Variants in SMARCB1 observed in about 807,000 individuals in gnomAD.
The protein encoded by SMARCB1 is SWI/SNF-related matrix-associated actin-dependent regulator of chromatin subfamily B member 1.
A neutral mutation model predicts 49.0 loss-of-function variants in SMARCB1; 5 were observed. That is an observed-to-expected ratio of 0.10 (90% CI 0.05 to 0.21). The LOEUF (loss-of-function observed/expected upper bound fraction) is 0.21, where lower values mean the gene tolerates loss of function less well. Among genes scored for constraint, SMARCB1 ranks in the 10% least tolerant of loss-of-function variants. The probability of loss-of-function intolerance (pLI) is 1.00; values close to 1 mark genes in which losing one functional copy is unlikely to be tolerated. For synonymous variants in SMARCB1, 201 were observed against 200.1 expected, an observed-to-expected ratio of 1.00 and a Z score of -0.04; for missense variants, 226 against 509.2, an observed-to-expected ratio of 0.44 and a Z score of 5.35.
chr22:23,792,538 C>T, intron 2 of SMARCB1: 1 of 175,562 alleles, frequency 5.7e-6, no homozygotes, highest in South Asian at 1.3e-4. Context: ...CACAGCATGT[C>T]CTTGGGCAGG....
At chr22:23,802,872 AT>A (rs1929255058) in intron 4 of SMARCB1, 8 of 336,464 alleles carry the variant, frequency 2.4e-5, no homozygotes, top group South Asian at 1.5e-4. Flanking sequence ...TCCTCACGGA[AT>A]CTGTGCTCTG....
At chr22:23,833,288 C>T (rs1405290289) in intron 7 of SMARCB1, among the ~76,000 whole-genome samples, 1 of 152,228 alleles carries the variant, frequency 6.6e-6, no homozygotes, top group African/African-American at 2.4e-5. Flanking sequence ...CCTCCACAGC[C>T]AGTGGCCCCT....
chr22:23,825,582 T>G, intron 7 of SMARCB1, 167 bp downstream of exon 7: 6 of 628,126 alleles, frequency 9.6e-6, no homozygotes, highest in Non-Finnish European at 1.1e-5. Flanking sequence ...TATGTATCTC[T>G]CCAGGGCTCC....
intron 2 of SMARCB1, chr22:23,792,132 C>T: frequency 1.9e-6 from 1 of 536,748 alleles, no homozygotes; most frequent in Non-Finnish European, 3.4e-6. Context: ...GGGCCGGGGC[C>T]AGGACACTAG....
intron 2 of SMARCB1, chr22:23,792,137 C>T: frequency 1.9e-6 from 1 of 525,562 alleles, no homozygotes. Flanking sequence ...GGGGCCAGGA[C>T]ACTAGCAGGT....
At chr22:23,793,449 G>T (rs1928531058) in intron 2 of SMARCB1, 110 bp from the exon 3 acceptor site, 2 of 1,152,988 alleles carry the variant, frequency 1.7e-6, no homozygotes, top group Non-Finnish European at 2.6e-6. Flanking sequence ...TTGACACCTT[G>T]CTTTTCCCAC....
chr22:23,786,986 GGCGGCCTGGTCGTCGTCT>G lies in SMARCB1; in HGVS notation c.-178_-161del, dbSNP rs1568932876. On this transcript the variant is annotated 5_prime_UTR_variant, in exon 1 of 9. Coordinates refer to ENST00000644036, the MANE Select transcript of SMARCB1 (RefSeq NM_003073.5). ...TCAACGCCAGCGCCTGCGCACTGAGGGCGGCCTGGTCGTCGTCTGCGGCGGCGGCGGCGGCTGAGGAGC... is the reference window on the plus strand; with the variant it reads ...TCAACGCCAGCGCCTGCGCACTGAGGGCGGCGGCGGCGGCGGCTGAGGAGC... 2.0e-6 allele frequency: 1 copy of G among 499,280 alleles called. No individual in the cohort carries two copies. The highest frequency in any genetic ancestry group is 2.1e-5 in the African/African-American group (1 of 48,610). The allele number at this position is 499,280 out of a possible 1,614,324, so 30.9% of individuals were successfully genotyped here.
In SMARCB1 at chr22:23,837,306, G is replaced by C. The variant is rs2031146955; in HGVS notation, c.*3126G>C. The stretch of plus-strand genomic sequence containing the variant: ...GCCTTGCACAGAGTGCCAGCCCCGG[G>C]TTGGCCGTGAAGGACAAGCTTAAAA... On this transcript the variant is annotated 3_prime_UTR_variant, in exon 9 of 9. Transcript: ENST00000644036. The C allele has an allele frequency of 9.5e-7, 1 of 1,052,352 alleles. No homozygotes were observed. Among genetic ancestry groups the C allele is most frequent in the African/African-American group, 1.6e-5 (1 of 61,482 alleles). The allele number at this position is 1,052,352 out of a possible 1,614,324, so 65.2% of individuals were successfully genotyped here. A position where few individuals can be genotyped will look rare whatever the true frequency, so the allele number is the denominator to read the frequency against.
Position 23,799,973 on chromosome 22 carries a change from C to T in SMARCB1, c.363-971C>T, listed in dbSNP as rs372462718. On this transcript the variant is annotated intron_variant, in intron 3 of 8. Coordinates refer to ENST00000644036, the MANE Select transcript of SMARCB1 (RefSeq NM_003073.5). Reference sequence around the variant, plus strand: ...TGCTGGGATTACAGGCGTGAGCCACCGCGCCCGGCTACACCTGGCTAATTT... The same window carrying T: ...TGCTGGGATTACAGGCGTGAGCCACTGCGCCCGGCTACACCTGGCTAATTT... 9.9e-4 allele frequency among the ~76,000 whole-genome samples: 150 copies of T among 151,914 alleles called. 2 individuals are homozygous for T. The highest frequency in any genetic ancestry group is 3.5e-3 in the African/African-American group (143 of 41,416).
At chr22:23,816,983 TGG>T (rs758551559) in intron 6 of SMARCB1, 47 bp downstream of exon 6, 14 of 1,536,238 alleles carry the variant, frequency 9.1e-6, no homozygotes, top group Non-Finnish European at 1.3e-5. Flanking sequence ...GCCCTCAGGG[TGG>T]GTGTCATCAT....
At chr22:23,803,797 C>T in intron 5 of SMARCB1, 1 of 357,478 alleles carries the variant, frequency 2.8e-6, no homozygotes, top group Non-Finnish European at 5.5e-6. Flanking sequence ...TGTGAGGCTG[C>T]ATGTGTGCCC....
At chr22:23,807,896 G>A (rs960891505) in intron 5 of SMARCB1, among the ~76,000 whole-genome samples, 17 of 147,588 alleles carry the variant, frequency 1.2e-4, no homozygotes, top group Non-Finnish European at 2.2e-4. Context: ...CTGGGTTCAC[G>A]CCATTCTCCT....
intron 1 of SMARCB1, among the ~76,000 whole-genome samples, chr22:23,790,602 G>A (rs1355078864): frequency 6.6e-6 from 1 of 151,970 alleles, no homozygotes; most frequent in Non-Finnish European, 1.5e-5. Context: ...CAGCACTTTG[G>A]GAGGCCGAGG....
At chr22:23,794,185 G>T (rs35636978) in intron 3 of SMARCB1, among the ~76,000 whole-genome samples, 1 of 152,192 alleles carries the variant, frequency 6.6e-6, no homozygotes, top group African/African-American at 2.4e-5. Context: ...CAGGTGATCC[G>T]CCCGCCTTGG....
intron 6 of SMARCB1, among the ~76,000 whole-genome samples, chr22:23,820,079 C>G (rs1016279983): frequency 1.3e-5 from 2 of 152,112 alleles, no homozygotes; most frequent in African/African-American, 4.8e-5. Flanking sequence ...ATCCACCTGC[C>G]TTGGCCTCCC....
rs2030994842 is a variant in SMARCB1 at position 23,835,750 on chromosome 22, A to G, written c.*1570A>G. The G allele has an allele frequency of 1.0e-6, 1 of 985,362 alleles. No individual in the cohort carries two copies. The allele number at this position is 985,362 out of a possible 1,614,324, so 61.0% of individuals were successfully genotyped here. A position where few individuals can be genotyped will look rare whatever the true frequency, so the allele number is the denominator to read the frequency against. ...ATGAGGTAGGAACCTCGGCAATGAA[A>G]GGGTGAGGCAGCCCTGTGTCTCCAC... On this transcript the variant is annotated 3_prime_UTR_variant, in exon 9 of 9. Transcript: ENST00000644036.
intron 1 of SMARCB1, 30 bp downstream of exon 1, chr22:23,787,292 G>C: frequency 7.1e-7 from 1 of 1,409,712 alleles, no homozygotes; most frequent in Non-Finnish European, 9.9e-7. Flanking sequence ...CGCCCTCCCC[G>C]GGCTCGGCCC....
Position 23,799,679 on chromosome 22 carries a change from A to ATTTTTTTTTTTTTTTTTT in SMARCB1, c.363-1259_363-1242dup, listed in dbSNP as rs71184912. ...AGGTTCCTGCCATCACACCTGGCTA[A>ATTTTTTTTTTTTTTTTTT]TTTTTTTTTTTTTTTTTTTTTTTGA... On this transcript the variant is annotated intron_variant, in intron 3 of 8. Transcript: ENST00000644036. 3.8e-4 allele frequency among the ~76,000 whole-genome samples: 26 copies of ATTTTTTTTTTTTTTTTTT among 68,414 alleles called. 3 individuals are homozygous for ATTTTTTTTTTTTTTTTTT. Among genetic ancestry groups the ATTTTTTTTTTTTTTTTTT allele is most frequent in the Non-Finnish European group, 4.8e-4 (18 of 37,352 alleles). 44.9% of individuals were successfully genotyped at this position (68,414 alleles called of 152,430 possible).
intron 3 of SMARCB1, among the ~76,000 whole-genome samples, chr22:23,794,938 A>G (rs1332350598): frequency 1.3e-5 from 2 of 152,156 alleles, no homozygotes; most frequent in African/African-American, 4.8e-5. Context: ...AACCTTTAGA[A>G]GAGTATTTAT....
Sources: gnomAD v4.1 joint callset for allele counts (sites outside exome capture counted in the v4.1 genomes callset) on GRCh38, gnomAD v4.1.1 for gene constraint, MANE v1.5 for transcripts, NCBI Gene and HGNC (gene_info 2026-07-23, HGNC 2026-07-21) for gene names.